Variants in MMP26 observed in about 807,000 individuals in gnomAD.
MMP26 encodes matrix metalloproteinase-26.
MMP26 carries 33 observed loss-of-function variants against 31.0 expected under a neutral mutation model. The observed-to-expected ratio is 1.06, with a 90% CI of 0.81 to 1.42. The LOEUF is 1.42. Ranked by LOEUF, MMP26 falls within the 40% of genes most tolerant of loss-of-function variation. MMP26 has a pLI of 0.00. For synonymous variants in MMP26, 122 were observed against 114.9 expected (o/e 1.06, Z -0.40); for missense variants, 347 against 316.1 (o/e 1.10, Z -0.74).
At position 4,754,484 on chromosome 11, in the gene MMP26, G is replaced by A. The variant is rs146808504; in HGVS notation, c.-216-12786G>A. 6.3e-4 allele frequency among the ~76,000 whole-genome samples: 96 copies of A among 151,806 alleles called. 1 individual carries two copies. The highest frequency in any genetic ancestry group is 1.6e-3 in the African/African-American group (68 of 41,462). ...AATAGTAAATACTTAAGATAATATT[G>A]GATGCTATAAATCAAATTAATCCGT... is the stretch of plus-strand genomic sequence containing the variant. On this transcript the variant is annotated intron_variant, in intron 1 of 7. Transcript: ENST00000380390.
chr11:4,771,402 G>T (rs11601153), intron 2 of MMP26, among the ~76,000 whole-genome samples: 3,012 of 152,210 alleles, frequency 0.02, 57 homozygotes, highest in South Asian at 0.077. Context: ...GTATTTGGGG[G>T]TAATTTACTG....
At chr11:4,931,558 CAATA>C (rs1474256122) in intron 2 of MMP26, among the ~76,000 whole-genome samples, 7 of 151,900 alleles carry the variant, frequency 4.6e-5, no homozygotes, top group Non-Finnish European at 4.4e-5. Context: ...TATATTAAAA[CAATA>C]AATAAATTAA....
At chr11:4,985,079 T>C (rs1478659763) in intron 2 of MMP26, among the ~76,000 whole-genome samples, 1 of 152,150 alleles carries the variant, frequency 6.6e-6, no homozygotes, top group Non-Finnish European at 1.5e-5. Flanking sequence ...ATTCAGGCCA[T>C]AGAAACATCA....
intron 2 of MMP26, among the ~76,000 whole-genome samples, chr11:4,805,271 A>G (rs547611513): frequency 1.7e-4 from 26 of 152,204 alleles, no homozygotes; most frequent in Non-Finnish European, 3.2e-4. Flanking sequence ...CTACTGACCA[A>G]TTGTACATTT....
At chr11:4,742,603 TTA>T (rs990162897) in intron 1 of MMP26, among the ~76,000 whole-genome samples, 2 of 151,830 alleles carry the variant, frequency 1.3e-5, no homozygotes, top group Non-Finnish European at 2.9e-5. Context: ...TCCTCAATTT[TTA>T]TATATATATA....
chr11:4,726,242 C>T lies in MMP26; in HGVS notation c.-217+21197C>T, dbSNP rs1230024022. 4.6e-5 allele frequency among the ~76,000 whole-genome samples: 7 copies of T among 152,088 alleles called. No homozygotes were observed. In the South Asian group the frequency reaches 1.2e-3, roughly 27 times the overall value. ...CTGTAATCCCAGCACTTTGGGAGAC[C>T]GAGGAGAATGGATCACTTGAGGTCC... On this transcript the variant is annotated intron_variant, in intron 1 of 7. Coordinates refer to ENST00000380390, the MANE Select transcript of MMP26 (RefSeq NM_021801.5).
At chr11:4,882,247 G>C (rs753428178) in intron 2 of MMP26, 1 of 1,613,958 alleles carries the variant, frequency 6.2e-7, no homozygotes, top group East Asian at 2.2e-5. Context: ...AGTCCTCGGT[G>C]CTGGTAGCCA....
At chr11:4,844,665 A>G (rs1849842556) in intron 2 of MMP26, among the ~76,000 whole-genome samples, 1 of 152,208 alleles carries the variant, frequency 6.6e-6, no homozygotes, top group Non-Finnish European at 1.5e-5. Context: ...TAAAAACCAT[A>G]TGATCATTTC....
intron 1 of MMP26, among the ~76,000 whole-genome samples, chr11:4,737,252 C>A (rs1303300683): frequency 6.6e-6 from 1 of 152,204 alleles, no homozygotes; most frequent in African/African-American, 2.4e-5. Flanking sequence ...CTCCTTTCTA[C>A]TTCCCAGTTT....
intron 2 of MMP26, among the ~76,000 whole-genome samples, chr11:4,855,361 T>G (rs561211310): frequency 1.3e-5 from 2 of 152,232 alleles, no homozygotes; most frequent in African/African-American, 4.8e-5. Flanking sequence ...ATAAACAGCA[T>G]AGAGAAGACC....
chr11:4,730,404 A>AGAGAGAGAGAGAGAGAGAGAGAG (rs1848157903), intron 1 of MMP26, among the ~76,000 whole-genome samples: 11 of 144,952 alleles, frequency 7.6e-5, no homozygotes, highest in African/African-American at 1.8e-4. Context: ...GTTTCTGGGA[A>AGAGAGAGAGAGAGAGAGAGAGAG]AGAGAGAGAG....
chr11:4,905,617 C>G (rs1284916011), intron 2 of MMP26, among the ~76,000 whole-genome samples: 1 of 152,010 alleles, frequency 6.6e-6, no homozygotes, highest in Non-Finnish European at 1.5e-5. Context: ...CTTCCATTGG[C>G]TCTACCTTCA....
At chr11:4,975,723 C>G (rs1034182555) in intron 2 of MMP26, among the ~76,000 whole-genome samples, 1 of 152,000 alleles carries the variant, frequency 6.6e-6, no homozygotes, top group Admixed American at 6.6e-5. Context: ...CTTCATCTCC[C>G]CTCCATGCTG....
At chr11:4,758,768 A>G (rs1252535152) in intron 1 of MMP26, among the ~76,000 whole-genome samples, 2 of 152,190 alleles carry the variant, frequency 1.3e-5, no homozygotes, top group Non-Finnish European at 2.9e-5. Context: ...TATTTGAAGC[A>G]TATATAACAT....
intron 1 of MMP26, among the ~76,000 whole-genome samples, chr11:4,746,576 G>A (rs377358306): frequency 6.6e-6 from 1 of 152,092 alleles, no homozygotes; most frequent in Non-Finnish European, 1.5e-5. Context: ...GGTGGCTCAC[G>A]CCTGTAATCC....
chr11:4,718,912 TC>T, intron 1 of MMP26: 1 of 186,976 alleles, frequency 5.3e-6, no homozygotes, highest in Non-Finnish European at 1.1e-5. Flanking sequence ...TGCCCGCTTG[TC>T]CCAGATGTTC....
At chr11:4,836,235 T>C (rs1423397927) in intron 2 of MMP26, among the ~76,000 whole-genome samples, 1 of 152,050 alleles carries the variant, frequency 6.6e-6, no homozygotes, top group Non-Finnish European at 1.5e-5. Flanking sequence ...AGTGATATGT[T>C]GTCATTCCTA....
At chr11:4,942,063 C>T (rs1846215692) in intron 2 of MMP26, among the ~76,000 whole-genome samples, 1 of 96,926 alleles carries the variant, frequency 1.0e-5, no homozygotes, top group Non-Finnish European at 2.1e-5. Context: ...CTGCTCCAGC[C>T]TGGGCAGCAG....
rs570982596 is a variant in MMP26, at chr11:4,729,479, T to C, written c.-217+24434T>C. The stretch of plus-strand genomic sequence containing the variant: ...ACAGAGAGGGGCAGGAAGAAACTTC[T>C]TAACTCCTTGCCTCACCTTCAGACT... On this transcript the variant is annotated intron_variant, in intron 1 of 7. Coordinates refer to ENST00000380390, the MANE Select transcript of MMP26 (RefSeq NM_021801.5). Among the ~76,000 whole-genome samples the C allele has an allele frequency of 8.5e-5, 13 of 152,266 alleles. No homozygotes were observed. In the East Asian group the frequency reaches 2.5e-3, roughly 29 times the overall value.
Sources: allele counts gnomAD v4.1 joint callset (sites outside exome capture counted in the v4.1 genomes callset), GRCh38; gene constraint gnomAD v4.1.1; transcripts MANE v1.5; gene names NCBI Gene and HGNC (gene_info 2026-07-23, HGNC 2026-07-21).